The following NELL1 variants were observed in gnomAD, a reference collection of about 807,000 sequenced individuals.
The protein encoded by NELL1 is neural EGFL like 1, also known as protein kinase C-binding protein NELL1.
NELL1 carries 76 observed loss-of-function variants against 107.4 expected under a neutral mutation model. The observed-to-expected ratio is 0.71, with a 90% CI of 0.59 to 0.86. NELL1 has a LOEUF of 0.86. Among genes scored for constraint, NELL1 ranks in the 40% least tolerant of loss-of-function variants. The pLI, the probability that NELL1 is intolerant of heterozygous loss-of-function variation, is 0.00. For missense variants in NELL1, 1,024 were observed against 1,005.5 expected, an observed-to-expected ratio of 1.02 and a Z score of -0.25; for synonymous variants, 353 against 341.2, an observed-to-expected ratio of 1.03 and a Z score of -0.38.
intron 12 of NELL1, among the ~76,000 whole-genome samples, chr11:21,013,629 A>G (rs1461908243): frequency 6.6e-6 from 1 of 152,140 alleles, no homozygotes; most frequent in Non-Finnish European, 1.5e-5. Flanking sequence ...TCAGAGTCAC[A>G]GAAAAATTGT....
intron 12 of NELL1, among the ~76,000 whole-genome samples, chr11:21,071,607 C>T (rs1274767339): frequency 6.6e-6 from 1 of 152,170 alleles, no homozygotes; most frequent in African/African-American, 2.4e-5. Flanking sequence ...ACAAAACAGT[C>T]TCTGGCCATG....
chr11:20,867,079 C>G (rs919476), intron 4 of NELL1, among the ~76,000 whole-genome samples: 2 of 151,984 alleles, frequency 1.3e-5, no homozygotes, highest in Non-Finnish European at 2.9e-5. Context: ...GGACATAAAC[C>G]CACAACTCCA....
chr11:21,247,300 T>G (rs1451810263), intron 14 of NELL1, among the ~76,000 whole-genome samples: 1 of 152,256 alleles, frequency 6.6e-6, no homozygotes, highest in African/African-American at 2.4e-5. Flanking sequence ...TTTTACTTTA[T>G]AAACCTTTAT....
chr11:20,695,851 A>G (rs1220441651), intron 2 of NELL1, among the ~76,000 whole-genome samples: 1 of 151,918 alleles, frequency 6.6e-6, no homozygotes, highest in Non-Finnish European at 1.5e-5. Context: ...TGGAATTGGT[A>G]CCAGCTTTTC....
At chr11:21,007,640 G>A (rs1852358098) in intron 12 of NELL1, among the ~76,000 whole-genome samples, 1 of 151,742 alleles carries the variant, frequency 6.6e-6, no homozygotes, top group African/African-American at 2.4e-5. Flanking sequence ...TCCTTTTGGT[G>A]TCTCGGTGAT....
chr11:21,319,014 A>G (rs779919902), intron 14 of NELL1, among the ~76,000 whole-genome samples: 16 of 152,174 alleles, frequency 1.1e-4, no homozygotes, highest in Non-Finnish European at 1.6e-4. Flanking sequence ...GAGCTTGCTT[A>G]GAACATTGTG....
Position 21,560,208 on chromosome 11 carries a change from A to G in NELL1, c.1806A>G (p.Leu602=). The G allele has an allele frequency of 1.2e-6, 2 of 1,613,660 alleles. No homozygotes were observed. The highest frequency in any genetic ancestry group is 1.7e-6 in the Non-Finnish European group (2 of 1,179,734). Residue 602 remains leucine (L), a synonymous_variant, in exon 17 of 20, where the codon TTA becomes TTG. Transcript: ENST00000357134. ...TTGCAGACATTGATGAATGTGCCTT[A>G]AGAACTCACACCTGTTGGAACGATT... ...ESCIDIDECA[L]RTHTCWNDSA... is the part of the protein sequence containing the mutation.
At chr11:21,185,293 C>CA in intron 13 of NELL1, among the ~76,000 whole-genome samples, 1 of 118,478 alleles carries the variant, frequency 8.4e-6, no homozygotes, top group East Asian at 2.5e-4. Flanking sequence ...ATTCCAGTAT[C>CA]TTTTTTTTTT....
chr11:21,305,034 C>T (rs1027915269), intron 14 of NELL1, among the ~76,000 whole-genome samples: 1 of 151,886 alleles, frequency 6.6e-6, no homozygotes, highest in Non-Finnish European at 1.5e-5. Flanking sequence ...GAGGGTCTTC[C>T]ATGTTATATG....
chr11:21,312,990 C>T (rs1474872899), intron 14 of NELL1, among the ~76,000 whole-genome samples: 1 of 151,866 alleles, frequency 6.6e-6, no homozygotes, highest in Non-Finnish European at 1.5e-5. Flanking sequence ...GTGCAAGAAT[C>T]CCTTGAACCT....
chr11:21,452,604 G>A (rs1456167730), intron 15 of NELL1, among the ~76,000 whole-genome samples: 1 of 151,788 alleles, frequency 6.6e-6, no homozygotes, highest in African/African-American at 2.4e-5. Flanking sequence ...ACATTTTCAA[G>A]GGAGCAGATT....
At chr11:21,009,256 C>T (rs1307547806) in intron 12 of NELL1, among the ~76,000 whole-genome samples, 1 of 152,126 alleles carries the variant, frequency 6.6e-6, no homozygotes, top group Non-Finnish European at 1.5e-5. Flanking sequence ...ACATCAACTT[C>T]TATGTAGCCT....
intron 12 of NELL1, among the ~76,000 whole-genome samples, chr11:20,967,275 A>G (rs907839332): frequency 1.3e-5 from 2 of 152,256 alleles, no homozygotes; most frequent in Middle Eastern, 3.4e-3. Context: ...AAGAGATTGT[A>G]TAGGAGAAAT....
At chr11:21,338,263 A>G (rs1487808107) in intron 14 of NELL1, among the ~76,000 whole-genome samples, 19 of 152,216 alleles carry the variant, frequency 1.2e-4, no homozygotes, top group Admixed American at 1.2e-3. Context: ...TGCAAATCAG[A>G]GCACTGTGAG....
intron 12 of NELL1, among the ~76,000 whole-genome samples, chr11:20,973,612 G>T (rs1431888643): frequency 2.0e-5 from 3 of 152,156 alleles, no homozygotes; most frequent in Non-Finnish European, 2.9e-5. Context: ...CTGACATTTG[G>T]CATCTCATAG....
intron 13 of NELL1, among the ~76,000 whole-genome samples, chr11:21,171,661 G>A (rs889221640): frequency 1.8e-4 from 28 of 151,876 alleles, no homozygotes; most frequent in African/African-American, 6.3e-4. Flanking sequence ...TTCTGAATTA[G>A]GATATAGATG....
At chr11:21,490,128 G>A (rs1315882129) in intron 15 of NELL1, among the ~76,000 whole-genome samples, 2 of 151,828 alleles carry the variant, frequency 1.3e-5, no homozygotes, top group Admixed American at 6.6e-5. Context: ...AAAATCAGTA[G>A]CATTTCTATA....
intron 5 of NELL1, among the ~76,000 whole-genome samples, chr11:20,895,094 A>T (rs1354141600): frequency 7.0e-6 from 1 of 143,494 alleles, no homozygotes; most frequent in Non-Finnish European, 1.5e-5. Flanking sequence ...AAACGGTGAA[A>T]CCCCGTCTCT....
intron 12 of NELL1, among the ~76,000 whole-genome samples, chr11:20,980,531 T>G (rs1851729353): frequency 6.6e-6 from 1 of 152,174 alleles, no homozygotes; most frequent in Non-Finnish European, 1.5e-5. Flanking sequence ...ACTGAAAGGT[T>G]TGTGGTGTAT....
Sources: allele counts gnomAD v4.1 joint callset (sites outside exome capture counted in the v4.1 genomes callset), GRCh38; gene constraint gnomAD v4.1.1; transcripts MANE v1.5; gene names NCBI Gene and HGNC (gene_info 2026-07-23, HGNC 2026-07-21).